The following TUSC3 variants were observed in gnomAD, a reference collection of about 807,000 sequenced individuals.
The protein encoded by TUSC3 is dolichyl-diphosphooligosaccharide--protein glycosyltransferase subunit TUSC3.
In TUSC3, 45 loss-of-function variants were observed where a neutral mutation model predicts 44.8. The ratio of observed to expected loss-of-function variants is 1.00; its 90% CI spans 0.79 to 1.29. The LOEUF is 1.29. TUSC3 is among the 50% of genes most tolerant of loss of function. TUSC3 has a pLI of 0.00. For missense variants in TUSC3, 519 were observed against 437.9 expected (o/e 1.19, Z -1.65); for synonymous variants, 212 against 152.9 (o/e 1.39, Z -2.85).
At chr8:15,522,027 C>A (rs981746537) in intron 2 of TUSC3, among the ~76,000 whole-genome samples, 1 of 152,204 alleles carries the variant, frequency 6.6e-6, no homozygotes, top group East Asian at 1.9e-4. Context: ...TTACAATATT[C>A]CAACCTCCCT....
At chr8:15,773,578 A>T in the TUSC3 span, among the ~76,000 whole-genome samples, 1 of 152,184 alleles carries the variant, frequency 6.6e-6, no homozygotes, top group South Asian at 2.1e-4. Flanking sequence ...TTTTGCAAAA[A>T]TAAGAAAGCT....
At chr8:15,842,745 C>G in the TUSC3 span, among the ~76,000 whole-genome samples, 1 of 152,136 alleles carries the variant, frequency 6.6e-6, no homozygotes, top group Admixed American at 6.5e-5. Context: ...GAGACAAACG[C>G]GAGAAGGTCC....
rs540084765 is a variant in TUSC3 at position 15,559,261 on chromosome 8, C to T, written c.138+18693C>T. 4.2e-5 allele frequency among the ~76,000 whole-genome samples: 6 copies of T among 142,022 alleles called. No homozygotes were observed. The East Asian group carries it at 8.7e-4, about 20-fold the overall frequency. 93.2% of individuals were successfully genotyped at this position (142,022 alleles called of 152,430 possible). On this transcript the variant is annotated intron_variant, in intron 1 of 10. Transcript: ENST00000503731. ...ATTTCTGCCTTCATTTTGTTATGTA[C>T]CCAGTAGTCATTCAGGAGCAGGTTG...
At chr8:15,731,929 G>C (rs1015070940) in intron 7 of TUSC3, among the ~76,000 whole-genome samples, 1 of 152,122 alleles carries the variant, frequency 6.6e-6, no homozygotes, top group African/African-American at 2.4e-5. Context: ...AGTGATTACG[G>C]TATGGTGGGG....
chr8:15,438,387 C>T (rs1273718719), intron 1 of TUSC3, among the ~76,000 whole-genome samples: 3 of 152,324 alleles, frequency 2.0e-5, no homozygotes, highest in Middle Eastern at 3.4e-3. Context: ...TGAGCCACCG[C>T]GCCCAGCCAG....
intron 1 of TUSC3, among the ~76,000 whole-genome samples, chr8:15,543,829 A>G (rs1349944187): frequency 6.6e-6 from 1 of 151,680 alleles, no homozygotes; most frequent in East Asian, 1.9e-4. Flanking sequence ...AACACCGAGA[A>G]TTCCAAATTC....
intron 1 of TUSC3, among the ~76,000 whole-genome samples, chr8:15,433,906 CAT>C (rs1388451552): frequency 3.9e-5 from 6 of 152,096 alleles, no homozygotes; most frequent in African/African-American, 7.2e-5. Context: ...CACATAAAAA[CAT>C]AAAGCTAGGA....
At position 15,673,752 on chromosome 8, in the gene TUSC3, A is replaced by G. The variant is rs773936260; in HGVS notation, c.714A>G (p.Ile238Met). The change falls in exon 6 of 11, where the codon ATA (isoleucine) becomes ATG (methionine). Residue 238 changes from isoleucine to methionine, a missense_variant. Transcript: ENST00000503731. ...CACTGCACCCTGTTTTTCAGTGTAT[A>G]GTCTTTGCTATGACTTCTGGCCAGA... ...KTGWAMVSLC[I>M]VFAMTSGQMW... 2.4e-5 allele frequency: 38 copies of G among 1,612,448 alleles called. No homozygotes were observed. The South Asian group carries it at 4.1e-4, about 17-fold the overall frequency.
At chr8:15,494,369 G>A (rs1352319599) in intron 2 of TUSC3, among the ~76,000 whole-genome samples, 1 of 149,850 alleles carries the variant, frequency 6.7e-6, no homozygotes, top group African/African-American at 2.5e-5. Flanking sequence ...CCAGGCTGGA[G>A]TGCAGTGGCG....
At chr8:15,507,829 G>A (rs1316289278) in intron 2 of TUSC3, among the ~76,000 whole-genome samples, 1 of 152,014 alleles carries the variant, frequency 6.6e-6, no homozygotes, top group Non-Finnish European at 1.5e-5. Context: ...AAAAGGCAAA[G>A]TGAACAAAAA....
chr8:15,720,201 T>TATAC (rs369753796), intron 6 of TUSC3, among the ~76,000 whole-genome samples: 3,673 of 141,552 alleles, frequency 0.026, 67 homozygotes, highest in Non-Finnish European at 0.037. Context: ...TATATATATA[T>TATAC]ACACACACAC....
At chr8:15,595,330 A>G (rs931829354) in intron 1 of TUSC3, among the ~76,000 whole-genome samples, 8 of 152,134 alleles carry the variant, frequency 5.3e-5, no homozygotes, top group East Asian at 1.9e-4. Flanking sequence ...TTTCCTCTTT[A>G]GTACTCTGCC....
At chr8:15,712,183 G>C (rs1354828524) in intron 6 of TUSC3, among the ~76,000 whole-genome samples, 1 of 151,906 alleles carries the variant, frequency 6.6e-6, no homozygotes, top group Non-Finnish European at 1.5e-5. Context: ...AATAAGATTA[G>C]AGGCTCTTAG....
chr8:15,508,176 G>T (rs926332054), intron 2 of TUSC3, among the ~76,000 whole-genome samples: 1 of 152,108 alleles, frequency 6.6e-6, no homozygotes, highest in East Asian at 1.9e-4. Context: ...GGAGGCAGAG[G>T]TTGCAGTGAG....
chr8:15,442,705 G>C (rs1268194214), intron 1 of TUSC3, among the ~76,000 whole-genome samples: 2 of 151,994 alleles, frequency 1.3e-5, no homozygotes, highest in African/African-American at 4.8e-5. Context: ...ATCAGGATAG[G>C]AAGACAGAAT....
At chr8:15,530,002 G>A in intron 2 of TUSC3, among the ~76,000 whole-genome samples, 1 of 122,752 alleles carries the variant, frequency 8.1e-6, no homozygotes. Flanking sequence ...AGCCAGGATG[G>A]TCTCGATCTC....
chr8:15,481,205 C>G (rs561111033), intron 1 of TUSC3, among the ~76,000 whole-genome samples: 3 of 146,726 alleles, frequency 2.0e-5, no homozygotes, highest in African/African-American at 5.1e-5. Context: ...CGAGATGGCA[C>G]CATTGCACTA....
At chr8:15,677,040 A>G (rs1585219190) in intron 6 of TUSC3, among the ~76,000 whole-genome samples, 2 of 152,238 alleles carry the variant, frequency 1.3e-5, no homozygotes, top group African/African-American at 4.8e-5. Flanking sequence ...ATTTTATTTT[A>G]TAGAGTTAGG....
At chr8:15,607,193 TTAATTC>T (rs1804567646) in intron 1 of TUSC3, among the ~76,000 whole-genome samples, 1 of 152,076 alleles carries the variant, frequency 6.6e-6, no homozygotes. Context: ...AAGAGCTGTG[TTAATTC>T]TATTTCTGTA....
Sources: allele counts gnomAD v4.1 joint callset (sites outside exome capture counted in the v4.1 genomes callset), GRCh38; gene constraint gnomAD v4.1.1; transcripts MANE v1.5; gene names NCBI Gene and HGNC (gene_info 2026-07-23, HGNC 2026-07-21).